The following KLHL13 variants were observed in gnomAD, a reference collection of about 807,000 sequenced individuals.
KLHL13 encodes the protein kelch-like protein 13.
KLHL13 carries 10 observed loss-of-function variants against 37.1 expected under a neutral mutation model. The ratio of observed to expected loss-of-function variants is 0.27; its 90% CI spans 0.17 to 0.46. The LOEUF (loss-of-function observed/expected upper bound fraction) is 0.46, where lower values mean the gene tolerates loss of function less well. KLHL13 is among the 20% of genes least tolerant of loss of function. The pLI is 1.00. For synonymous variants in KLHL13, 163 were observed against 181.2 expected, an observed-to-expected ratio of 0.90 and a Z score of 0.81; for missense variants, 360 against 509.3, an observed-to-expected ratio of 0.71 and a Z score of 2.82.
At chrX:118,099,124 A>G (rs958240374) in intron 1 of KLHL13, among the ~76,000 whole-genome samples, 1 of 111,008 alleles carries the variant, frequency 9.0e-6, no homozygotes, top group African/African-American at 3.3e-5. Flanking sequence ...ATAAAATTTA[A>G]AAAAATTATA....
At chrX:117,996,626 A>T (rs1009211365) in intron 1 of KLHL13, among the ~76,000 whole-genome samples, 1 of 111,330 alleles carries the variant, frequency 9.0e-6, no homozygotes. Flanking sequence ...GGTCTGGGTG[A>T]GGTGTTTTTA....
chrX:117,938,452 C>T (rs542393500), intron 2 of KLHL13, among the ~76,000 whole-genome samples: 4 of 111,209 alleles, frequency 3.6e-5, no homozygotes, highest in Non-Finnish European at 5.7e-5. Flanking sequence ...GTTAGAAATG[C>T]AAATTCCTGG....
intron 1 of KLHL13, among the ~76,000 whole-genome samples, chrX:117,991,985 GTTAAAA>G (rs1461715410): frequency 1.8e-5 from 2 of 109,215 alleles, no homozygotes; most frequent in African/African-American, 6.7e-5. Context: ...CAAGAAGGCT[GTTAAAA>G]TTAAAGTAAG....
At position 118,007,392 on chromosome X, in the gene KLHL13, A is replaced by AAAAAAGAG. The variant is rs1555984408; in HGVS notation, c.-55-61818_-55-61817insCTCTTTTT. 7.7e-5 allele frequency among the ~76,000 whole-genome samples: 8 copies of AAAAAAGAG among 103,980 alleles called. 1 individual carries two copies. The highest frequency in any genetic ancestry group is 3.0e-4 in the African/African-American group (8 of 26,361). The allele number at this position is 103,980 out of a possible 115,157, so 90.3% of individuals were successfully genotyped here. A position where few individuals can be genotyped will look rare whatever the true frequency, so the allele number is the denominator to read the frequency against. The stretch of plus-strand genomic sequence containing the variant: ...TGTCAAAAAAAAAAAAAAAAAAAAA[A>AAAAAAGAG]AGAGAGAGAGACCTGCCAGCCCTGG... On this transcript the variant is annotated intron_variant, in intron 1 of 6. Transcript: ENST00000371882.
chrX:117,965,580 A>T (rs1430281253), intron 1 of KLHL13, among the ~76,000 whole-genome samples: 1 of 111,199 alleles, frequency 9.0e-6, no homozygotes, highest in African/African-American at 3.3e-5. Flanking sequence ...CTGATACCAA[A>T]GTCCGGCAGA....
chrX:118,059,903 C>T (rs1421778273), intron 1 of KLHL13, among the ~76,000 whole-genome samples: 2 of 111,620 alleles, frequency 1.8e-5, no homozygotes, highest in South Asian at 3.8e-4. Context: ...ACTGTGTTAC[C>T]GTGAGCACTT....
exon 7 of KLHL13, chrX:117,898,816 C>A: frequency 1.1e-6 from 1 of 947,972 alleles, no homozygotes; most frequent in Non-Finnish European, 1.4e-6. Context: ...AGAGGGTAAT[C>A]CTAACATATA....
At chrX:118,104,920 G>A (rs894710289) in intron 1 of KLHL13, among the ~76,000 whole-genome samples, 2 of 112,325 alleles carry the variant, frequency 1.8e-5, no homozygotes, top group African/African-American at 6.5e-5. Context: ...TAATAAAGCC[G>A]TTAAATATTT....
At chrX:118,100,081 G>A (rs1403320174) in intron 1 of KLHL13, among the ~76,000 whole-genome samples, 2 of 111,726 alleles carry the variant, frequency 1.8e-5, no homozygotes, top group African/African-American at 3.3e-5. Context: ...CTCCCCTCAC[G>A]CTTTTCATTT....
chrX:117,929,128 T>C (rs1340588756), intron 2 of KLHL13, among the ~76,000 whole-genome samples: 1 of 112,449 alleles, frequency 8.9e-6, no homozygotes, highest in Non-Finnish European at 1.9e-5. Context: ...ACTAAAGTTT[T>C]AGAAGAAACA....
At chrX:118,098,615 C>T (rs1406306856) in intron 1 of KLHL13, among the ~76,000 whole-genome samples, 3 of 108,369 alleles carry the variant, frequency 2.8e-5, no homozygotes, top group Non-Finnish European at 5.7e-5. Context: ...GCTATAAAGA[C>T]ACATGCACAC....
At chrX:118,063,643 TA>T (rs1463599138) in intron 1 of KLHL13, among the ~76,000 whole-genome samples, 34 of 111,993 alleles carry the variant, frequency 3.0e-4, no homozygotes, top group African/African-American at 1.1e-3. Context: ...ATAGCCAAAC[TA>T]TTAAAGAACT....
At chrX:118,044,267 GA>G (rs2054534053) in intron 1 of KLHL13, among the ~76,000 whole-genome samples, 1 of 111,063 alleles carries the variant, frequency 9.0e-6, no homozygotes, top group Admixed American at 9.6e-5. Context: ...CATCTTCATG[GA>G]TTGGAGGAAT....
At chrX:117,910,151 C>A (rs982866528) in intron 4 of KLHL13, 55 bp from the exon 6 acceptor site, 15 of 833,684 alleles carry the variant, frequency 1.8e-5, no homozygotes, top group Non-Finnish European at 2.5e-5. Context: ...GCAATCACAT[C>A]TTGATAGCAC....
At chrX:117,963,530 G>A (rs1372609235) in intron 1 of KLHL13, among the ~76,000 whole-genome samples, 1 of 108,885 alleles carries the variant, frequency 9.2e-6, no homozygotes, top group Non-Finnish European at 1.9e-5. Context: ...ATAAACATAC[G>A]TGTGCATGTG....
chrX:117,938,511 C>T (rs1932885003), intron 2 of KLHL13, among the ~76,000 whole-genome samples: 2 of 110,937 alleles, frequency 1.8e-5, no homozygotes, highest in African/African-American at 6.6e-5. Context: ...TGGGACCTAG[C>T]GTTCAGTGTT....
intron 1 of KLHL13, among the ~76,000 whole-genome samples, chrX:118,075,445 T>C (rs987038739): frequency 3.6e-5 from 4 of 111,663 alleles, no homozygotes; most frequent in African/African-American, 6.5e-5. Context: ...GTGGATAAGT[T>C]AGAAAACTGA....
chrX:117,972,854 A>T (rs1037345876), exon 1 of KLHL13: 2 of 1,206,575 alleles, frequency 1.7e-6, no homozygotes, highest in Non-Finnish European at 2.2e-6. Context: ...CTACAATAAC[A>T]GTAAAGAGCG....
chrX:118,049,643 G>A (rs1174409858), intron 1 of KLHL13, among the ~76,000 whole-genome samples: 1 of 109,748 alleles, frequency 9.1e-6, no homozygotes, highest in Admixed American at 9.8e-5. Context: ...TCCCACACAC[G>A]CACCCTAACA....
Sources: gnomAD v4.1 joint callset for allele counts (sites outside exome capture counted in the v4.1 genomes callset) on GRCh38, gnomAD v4.1.1 for gene constraint, MANE v1.5 for transcripts, NCBI Gene and HGNC (gene_info 2026-07-23, HGNC 2026-07-21) for gene names.